SAMSN1: variants seen among roughly 807,000 people sequenced by gnomAD.
The protein encoded by SAMSN1 is SAM domain, SH3 domain and nuclear localization signals 1.
SAMSN1 carries 31 observed loss-of-function variants against 42.0 expected under a neutral mutation model. The observed-to-expected ratio is 0.74, with a 90% CI of 0.55 to 1.00. The LOEUF (loss-of-function observed/expected upper bound fraction) is 1.00. Ranked by LOEUF, SAMSN1 falls within the 50% of genes least tolerant of loss-of-function variation. The pLI, the probability that SAMSN1 is intolerant of heterozygous loss-of-function variation, is 0.00. For synonymous variants in SAMSN1, 178 were observed against 151.9 expected, an observed-to-expected ratio of 1.17 and a Z score of -1.26; for missense variants, 464 against 439.4, an observed-to-expected ratio of 1.06 and a Z score of -0.50.
intron 2 of SAMSN1, among the ~76,000 whole-genome samples, chr21:14,633,576 T>C (rs1323180574): frequency 6.6e-6 from 1 of 152,212 alleles, no homozygotes; most frequent in Admixed American, 6.5e-5. Context: ...TATCCCAAGT[T>C]GAAAGTGGAG....
At chr21:14,559,209 T>G (rs1980862653) in intron 2 of SAMSN1, among the ~76,000 whole-genome samples, 1 of 152,216 alleles carries the variant, frequency 6.6e-6, no homozygotes, top group African/African-American at 2.4e-5. Flanking sequence ...ACATGGGCTT[T>G]TGTTTTTCTA....
intron 2 of SAMSN1, among the ~76,000 whole-genome samples, chr21:14,624,355 A>T (rs1386701366): frequency 6.6e-6 from 1 of 152,188 alleles, no homozygotes; most frequent in African/African-American, 2.4e-5. Context: ...TTTTGAAAAG[A>T]TCAACAAAAT....
At position 14,577,271 on chromosome 21, in the gene SAMSN1, TATATA is replaced by T. The variant is rs1981527458; in HGVS notation, c.261+4860_261+4864del. ...ATATATATATATATATATATATATA[TATATA>T]TATATATATTTTTTTTTTAGAAGAG... is the stretch of plus-strand genomic sequence containing the variant. On this transcript the variant is annotated intron_variant, in intron 2 of 8. Coordinates refer to the SAMSN1 transcript ENST00000285670. Among the ~76,000 whole-genome samples, 12 of 52,948 alleles carry T rather than the reference TATATA, an allele frequency of 2.3e-4. 2 individuals carry two copies. Among genetic ancestry groups the T allele is most frequent in the African/African-American group, 1.1e-3 (9 of 8,444 alleles). The allele number at this position is 52,948 out of a possible 152,430, so 34.7% of individuals were successfully genotyped here. A position where few individuals can be genotyped will look rare whatever the true frequency, so the allele number is the denominator to read the frequency against.
At chr21:14,593,876 T>C in intron 7 of SAMSN1, 1 of 553,688 alleles carries the variant, frequency 1.8e-6, no homozygotes, top group East Asian at 2.8e-5. Context: ...ATTTATGTTC[T>C]TTAGAAACAC....
At chr21:14,620,606 T>A (rs185577561) in intron 2 of SAMSN1, among the ~76,000 whole-genome samples, 19 of 152,350 alleles carry the variant, frequency 1.2e-4, no homozygotes, top group Admixed American at 5.2e-4. Context: ...CCCCTCATTG[T>A]TTTAGATGCA....
intron 2 of SAMSN1, among the ~76,000 whole-genome samples, chr21:14,567,362 C>G (rs1196007515): frequency 2.1e-5 from 3 of 145,234 alleles, no homozygotes; most frequent in Non-Finnish European, 3.0e-5. Context: ...ACATAAATAT[C>G]AAAAAAAGAT....
chr21:14,501,132 G>T (rs1047228392), intron 5 of SAMSN1, among the ~76,000 whole-genome samples: 3 of 152,110 alleles, frequency 2.0e-5, no homozygotes, highest in Non-Finnish European at 4.4e-5. Flanking sequence ...AACACAGTGA[G>T]ATCCTATCTT....
At chr21:14,521,715 G>A (rs1252072819) in intron 1 of SAMSN1, among the ~76,000 whole-genome samples, 1 of 152,074 alleles carries the variant, frequency 6.6e-6, no homozygotes, top group South Asian at 2.1e-4. Flanking sequence ...CTGTGGGGTG[G>A]AGGGCAGGGA....
chr21:14,573,837 A>T (rs1458344044), intron 2 of SAMSN1, among the ~76,000 whole-genome samples: 2 of 152,320 alleles, frequency 1.3e-5, no homozygotes, highest in African/African-American at 4.8e-5. Context: ...TGACAGAGCT[A>T]AGCTCATAGC....
intron 3 of SAMSN1, among the ~76,000 whole-genome samples, chr21:14,613,546 T>G (rs9983520): frequency 0.043 from 6,535 of 152,234 alleles, 335 homozygotes; most frequent in African/African-American, 0.11. Context: ...TAAAACTGAG[T>G]TTACCATTTT....
chr21:14,568,398 A>T (rs925227012), intron 2 of SAMSN1, among the ~76,000 whole-genome samples: 2 of 152,174 alleles, frequency 1.3e-5, no homozygotes, highest in East Asian at 1.9e-4. Context: ...GAAAAACACC[A>T]CATATTATTT....
chr21:14,507,650 TTTCCCATCAAAATACCACCATCG>T (rs1309848215), intron 5 of SAMSN1, among the ~76,000 whole-genome samples: 2 of 152,012 alleles, frequency 1.3e-5, no homozygotes, highest in African/African-American at 4.8e-5. Context: ...ATTCAACAGA[TTTCCCATCAAAATACCACCATCG>T]TTCTTCACAG....
intron 1 of SAMSN1, among the ~76,000 whole-genome samples, chr21:14,653,626 CA>C (rs1398602618): frequency 6.6e-6 from 1 of 151,920 alleles, no homozygotes. Context: ...CTTAATCGTA[CA>C]TTTTAAAATA....
intron 5 of SAMSN1, among the ~76,000 whole-genome samples, chr21:14,501,802 A>T (rs915257883): frequency 2.0e-5 from 3 of 152,236 alleles, no homozygotes; most frequent in Non-Finnish European, 4.4e-5. Context: ...TTGAGCTCAC[A>T]GCAAAGTTTA....
At chr21:14,652,777 A>G (rs142395538) in intron 1 of SAMSN1, among the ~76,000 whole-genome samples, 28 of 152,210 alleles carry the variant, frequency 1.8e-4, no homozygotes, top group African/African-American at 6.7e-4. Context: ...ACATTTGCAC[A>G]ATATCCATCT....
At chr21:14,517,749 T>A (rs893607129) in intron 2 of SAMSN1, among the ~76,000 whole-genome samples, 2 of 152,162 alleles carry the variant, frequency 1.3e-5, no homozygotes, top group African/African-American at 4.8e-5. Flanking sequence ...TAAAACACTC[T>A]GTTCACAGCC....
At chr21:14,559,168 C>G (rs1340457684) in intron 2 of SAMSN1, among the ~76,000 whole-genome samples, 2 of 152,150 alleles carry the variant, frequency 1.3e-5, no homozygotes, top group African/African-American at 4.8e-5. Flanking sequence ...AAGAAACTTT[C>G]TTTACAAGAT....
chr21:14,649,293 G>A (rs1386127939), intron 1 of SAMSN1, among the ~76,000 whole-genome samples: 1 of 118,868 alleles, frequency 8.4e-6, no homozygotes, highest in Non-Finnish European at 1.7e-5. Context: ...GAGGGGGGGA[G>A]GGATAGCATT....
chr21:14,613,801 A>C (rs1372492544), intron 3 of SAMSN1, among the ~76,000 whole-genome samples: 1 of 151,962 alleles, frequency 6.6e-6, no homozygotes, highest in African/African-American at 2.4e-5. Context: ...CCAACTTTTA[A>C]ATATATATAT....
Sources: allele counts gnomAD v4.1 joint callset (sites outside exome capture counted in the v4.1 genomes callset), GRCh38; gene constraint gnomAD v4.1.1; transcripts MANE v1.5; gene names NCBI Gene and HGNC (gene_info 2026-07-23, HGNC 2026-07-21).